CACNA1E: variants seen among roughly 807,000 people sequenced by gnomAD.
CACNA1E encodes the protein voltage-dependent R-type calcium channel subunit alpha-1E.
A neutral mutation model predicts 259.2 loss-of-function variants in CACNA1E; 40 were observed. The ratio of observed to expected loss-of-function variants is 0.15; its 90% CI spans 0.12 to 0.20. The LOEUF (loss-of-function observed/expected upper bound fraction) is 0.20. Among genes scored for constraint, CACNA1E ranks in the 10% least tolerant of loss-of-function variants. The pLI is 1.00. For synonymous variants in CACNA1E, 1,104 were observed against 1,138.5 expected (o/e 0.97, Z 0.61); for missense variants, 1,874 against 3,040.1 (o/e 0.62, Z 9.02).
rs1325521305 is a variant in CACNA1E at position 181,799,917 on chromosome 1, C to CA, written c.*1084dup. ...TCAGCCCACACTCTGGTCCATGAGGCAGCAAGGCCAGTGCTGTGCCAAGCC... is the reference window on the plus strand; with the variant it reads ...TCAGCCCACACTCTGGTCCATGAGGCAAGCAAGGCCAGTGCTGTGCCAAGCC... On this transcript the variant is annotated 3_prime_UTR_variant, in exon 48 of 48. Coordinates refer to ENST00000367573, the MANE Select transcript of CACNA1E (RefSeq NM_001205293.3). The CA allele has an allele frequency of 1.3e-5, 2 of 152,468 alleles. No homozygotes were observed. Among genetic ancestry groups the CA allele is most frequent in the Admixed American group, 6.5e-5 (1 of 15,290 alleles). 9.4% of individuals were successfully genotyped at this position (152,468 alleles called of 1,614,324 possible).
At chr1:181,398,647 A>G (rs1188291264) in intron 1 of CACNA1E, among the ~76,000 whole-genome samples, 1 of 152,206 alleles carries the variant, frequency 6.6e-6, no homozygotes, top group African/African-American at 2.4e-5. Context: ...CCCTCCCTCC[A>G]TGAGCTAAAG....
intron 1 of CACNA1E, among the ~76,000 whole-genome samples, chr1:181,351,699 C>T (rs1352641090): frequency 6.6e-6 from 1 of 152,182 alleles, no homozygotes; most frequent in East Asian, 1.9e-4. Flanking sequence ...GACCACATCA[C>T]TCCCATGTCT....
At chr1:181,740,328 C>T (rs889100859) in intron 25 of CACNA1E, among the ~76,000 whole-genome samples, 2 of 152,148 alleles carry the variant, frequency 1.3e-5, no homozygotes, top group Non-Finnish European at 2.9e-5. Context: ...AAGGGTTTGC[C>T]CTTCCAAGTG....
intron 38 of CACNA1E, among the ~76,000 whole-genome samples, chr1:181,780,967 G>A (rs1415367431): frequency 6.6e-6 from 1 of 152,180 alleles, no homozygotes; most frequent in Non-Finnish European, 1.5e-5. Context: ...CCAACCCATG[G>A]CTGGAGCACC....
intron 6 of CACNA1E, among the ~76,000 whole-genome samples, chr1:181,614,571 G>A (rs1307568753): frequency 6.6e-6 from 1 of 152,196 alleles, no homozygotes; most frequent in African/African-American, 2.4e-5. Flanking sequence ...TGAGCTCATT[G>A]CAATAGCAAC....
chr1:181,659,192 T>C (rs1162902038), intron 7 of CACNA1E, among the ~76,000 whole-genome samples: 1 of 150,318 alleles, frequency 6.7e-6, no homozygotes, highest in Non-Finnish European at 1.5e-5. Flanking sequence ...AGGGAGAGAG[T>C]CCATGTGAGA....
intron 28 of CACNA1E, 82 bp from the exon 29 acceptor site, chr1:181,755,874 T>C (rs1192245788): frequency 5.8e-6 from 8 of 1,379,944 alleles, no homozygotes; most frequent in African/African-American, 5.8e-5. Flanking sequence ...CCCCACATTA[T>C]TGCGGCCTGT....
intron 7 of CACNA1E, among the ~76,000 whole-genome samples, chr1:181,679,992 A>T (rs1414161448): frequency 6.6e-6 from 1 of 151,350 alleles, no homozygotes; most frequent in African/African-American, 2.4e-5. Context: ...GTGTACCTAT[A>T]GTCCTAGCTA....
intron 2 of CACNA1E, among the ~76,000 whole-genome samples, chr1:181,425,711 C>T (rs1008137492): frequency 3.3e-5 from 5 of 152,116 alleles, no homozygotes; most frequent in African/African-American, 4.8e-5. Context: ...GCTCATACCC[C>T]AGCCACACTG....
At chr1:181,484,085 A>T in intron 1 of CACNA1E, 75 bp downstream of exon 1, 2 of 1,416,066 alleles carry the variant, frequency 1.4e-6, no homozygotes, top group Non-Finnish European at 2.0e-6. Flanking sequence ...CCTAGCATGG[A>T]ATGTATCCCC....
chr1:181,726,496 A>G (rs1266020437), intron 18 of CACNA1E, among the ~76,000 whole-genome samples: 3 of 152,106 alleles, frequency 2.0e-5, no homozygotes, highest in African/African-American at 4.8e-5. Flanking sequence ...CCAAGACCTA[A>G]GTGTGTAGAT....
At chr1:181,465,531 C>T (rs1272240289) in intron 2 of CACNA1E, among the ~76,000 whole-genome samples, 1 of 151,944 alleles carries the variant, frequency 6.6e-6, no homozygotes, top group Non-Finnish European at 1.5e-5. Flanking sequence ...TTTTTATCTC[C>T]CTGGGCTGTA....
intron 3 of CACNA1E, among the ~76,000 whole-genome samples, chr1:181,541,704 G>A (rs559246541): frequency 1.2e-4 from 19 of 152,280 alleles, no homozygotes; most frequent in Non-Finnish European, 1.9e-4. Context: ...GCAAAGACTC[G>A]TCTTTTTGAG....
chr1:181,661,222 G>T (rs1246269344), intron 7 of CACNA1E, among the ~76,000 whole-genome samples: 1 of 152,188 alleles, frequency 6.6e-6, no homozygotes, highest in Non-Finnish European at 1.5e-5. Flanking sequence ...TAGATTGTTA[G>T]ATAAGGAGAT....
chr1:181,788,449 G>T (rs1345584944), intron 43 of CACNA1E, among the ~76,000 whole-genome samples: 1 of 152,196 alleles, frequency 6.6e-6, no homozygotes, highest in Non-Finnish European at 1.5e-5. Context: ...TTATTGGAAA[G>T]AAGAAAAGTT....
intron 1 of CACNA1E, among the ~76,000 whole-genome samples, chr1:181,349,402 G>A (rs933261831): frequency 1.2e-4 from 18 of 152,218 alleles, no homozygotes; most frequent in African/African-American, 4.1e-4. Flanking sequence ...GAACAGCCCT[G>A]CCCCAAGGGA....
chr1:181,796,691 T>TCAGGGGG lies in CACNA1E; in HGVS notation c.6238_6244dup (p.Glu2082GlyfsTer17). The stretch of plus-strand genomic sequence containing the variant: ...AGGCCACAAGTCTGACACTCACCGC[T>TCAGGGGG]CAGGGGGCAGGGAGCGGGGACGATC... On this transcript the variant is annotated frameshift_variant, in exon 47 of 48. Coordinates refer to ENST00000367573, the MANE Select transcript of CACNA1E (RefSeq NM_001205293.3). LOFTEE classifies it high-confidence loss of function. The TCAGGGGG allele has an allele frequency of 6.2e-7, 1 of 1,605,214 alleles. No homozygotes were observed. The highest frequency in any genetic ancestry group is 8.5e-7 in the Non-Finnish European group (1 of 1,173,980).
At chr1:181,389,641 G>A (rs1476239635) in intron 1 of CACNA1E, among the ~76,000 whole-genome samples, 2 of 152,238 alleles carry the variant, frequency 1.3e-5, no homozygotes. Context: ...CCCAGGTAGT[G>A]GCTTGTGTCT....
intron 32 of CACNA1E, among the ~76,000 whole-genome samples, chr1:181,761,858 C>G (rs551573391): frequency 6.6e-6 from 1 of 152,286 alleles, no homozygotes; most frequent in Non-Finnish European, 1.5e-5. Context: ...TTTCCAGGCT[C>G]TTTATATCTC....
Sources: allele counts gnomAD v4.1 joint callset (sites outside exome capture counted in the v4.1 genomes callset), GRCh38; gene constraint gnomAD v4.1.1; transcripts MANE v1.5; gene names NCBI Gene and HGNC (gene_info 2026-07-23, HGNC 2026-07-21).